Variants in RHPN2 observed in about 807,000 individuals in gnomAD.
RHPN2 encodes rhophilin-2.
RHPN2 carries 40 observed loss-of-function variants against 79.0 expected under a neutral mutation model. That is an observed-to-expected ratio of 0.51 (90% CI 0.39 to 0.66). RHPN2 has a LOEUF of 0.66. Among genes scored for constraint, RHPN2 ranks in the 30% least tolerant of loss-of-function variants. The pLI is 0.00. For synonymous variants in RHPN2, 285 were observed against 363.5 expected (o/e 0.78, Z 2.46); for missense variants, 686 against 883.5 (o/e 0.78, Z 2.83).
rs1055570662 is a variant in RHPN2, at chr19:33,011,592, C to T, written c.593+87G>A. Reference sequence around the variant, plus strand: ...AAGGGGGCTGAGGTGCACAGGGGCACCCGCAGAGGGGCGTCTGTGATGCTG... The same window carrying T: ...AAGGGGGCTGAGGTGCACAGGGGCATCCGCAGAGGGGCGTCTGTGATGCTG... On this transcript the variant is annotated intron_variant, in intron 6 of 14. Transcript: ENST00000254260. 3.2e-6 allele frequency: 5 copies of T among 1,564,738 alleles called. No homozygotes were observed. In the African/African-American group the frequency reaches 6.8e-5, roughly 21 times the overall value.
Position 33,012,798 on chromosome 19 carries a change from A to G in RHPN2, c.391-74T>C, listed in dbSNP as rs1971845897. The G allele has an allele frequency of 6.2e-5, 51 of 816,126 alleles. 2 individuals are homozygous for G. The South Asian group carries it at 7.2e-4, about 11-fold the overall frequency. 50.6% of individuals were successfully genotyped at this position (816,126 alleles called of 1,614,324 possible). A position where few individuals can be genotyped will look rare whatever the true frequency, so the allele number is the denominator to read the frequency against. On this transcript the variant is annotated intron_variant, in intron 4 of 14. Transcript: ENST00000254260. ...ATGTGTGCATAATAGTAATATGTCA[A>G]TTGTGAACCCATTTTTAAAAAGGCA...
At chr19:33,062,110 A>G (rs1758466194) in intron 1 of RHPN2, among the ~76,000 whole-genome samples, 2 of 152,164 alleles carry the variant, frequency 1.3e-5, no homozygotes, top group African/African-American at 4.8e-5. Context: ...ACAAGGTCTC[A>G]TTTTCAAAAT....
intron 4 of RHPN2, among the ~76,000 whole-genome samples, chr19:33,018,645 G>A (rs1444246080): frequency 6.6e-6 from 1 of 152,016 alleles, no homozygotes; most frequent in Non-Finnish European, 1.5e-5. Flanking sequence ...AAACTCACAG[G>A]ATTTAAACAA....
chr19:33,009,106 G>C (rs951617008), intron 6 of RHPN2, among the ~76,000 whole-genome samples: 2 of 152,058 alleles, frequency 1.3e-5, no homozygotes, highest in Non-Finnish European at 2.9e-5. Context: ...CAGGACTTAG[G>C]GGGAGGGAGG....
At chr19:32,993,945 G>C (rs1015441124) in intron 12 of RHPN2, 32 bp downstream of exon 12, 5 of 1,520,364 alleles carry the variant, frequency 3.3e-6, no homozygotes, top group East Asian at 4.5e-5. Context: ...TGTCCCCTTA[G>C]GTCATTTGAA....
At chr19:33,025,801 A>G (rs1971960907) in intron 3 of RHPN2, among the ~76,000 whole-genome samples, 1 of 152,212 alleles carries the variant, frequency 6.6e-6, no homozygotes, top group African/African-American at 2.4e-5. Flanking sequence ...CCACTAAAAT[A>G]TCCTTGCTTA....
Position 33,044,334 on chromosome 19 carries a change from T to A in RHPN2, c.100A>T (p.Ser34Cys), listed in dbSNP as rs1290190560. 6.2e-7 allele frequency: 1 copy of A among 1,613,922 alleles called. No individual in the cohort carries two copies. Among genetic ancestry groups the A allele is most frequent in the African/African-American group, 1.3e-5 (1 of 74,878 alleles). Reference sequence around the variant, plus strand: ...GCAGCTCTTTGATTCTGCAATTTACTCCGGCCGGTTTGTGCAAGGGGATTA... The same window carrying A: ...GCAGCTCTTTGATTCTGCAATTTACACCGGCCGGTTTGTGCAAGGGGATTA... ...GCNPLAQTGR[S>C]KLQNQRAALN... is the part of the protein sequence containing the mutation. The change falls in exon 2 of 15, where the codon AGT becomes TGT. Residue 34 changes from serine (S) to cysteine (C), a missense_variant. Coordinates refer to ENST00000254260, the MANE Select transcript of RHPN2 (RefSeq NM_033103.5).
At chr19:33,023,784 CAAA>C (rs61273503) in intron 3 of RHPN2, among the ~76,000 whole-genome samples, 4 of 110,568 alleles carry the variant, frequency 3.6e-5, no homozygotes, top group Non-Finnish European at 6.1e-5. Flanking sequence ...GACTCCATCT[CAAA>C]AAAAAAAAAA....
intron 1 of RHPN2, among the ~76,000 whole-genome samples, chr19:33,046,775 G>C (rs10421069): frequency 0.12 from 18,687 of 152,118 alleles, 3,696 homozygotes; most frequent in African/African-American, 0.42. Context: ...CTCCCTGACA[G>C]TTAATGATGT....
At chr19:33,006,422 T>C (rs1218372753) in intron 7 of RHPN2, among the ~76,000 whole-genome samples, 1 of 152,074 alleles carries the variant, frequency 6.6e-6, no homozygotes, top group Admixed American at 6.6e-5. Flanking sequence ...GTAGGACCAA[T>C]CATTATAACA....
chr19:33,003,036 T>C (rs543498755), intron 7 of RHPN2, 36 bp from the exon 8 acceptor site: 1 of 1,595,154 alleles, frequency 6.3e-7, no homozygotes, highest in South Asian at 1.1e-5. Context: ...TTAGTTCGGG[T>C]TCATATTTAC....
At chr19:33,011,544 C>G (rs2038191703) in intron 6 of RHPN2, 135 bp downstream of exon 6, 1 of 1,071,062 alleles carries the variant, frequency 9.3e-7, no homozygotes, top group African/African-American at 1.6e-5. Context: ...TTTGAGACTT[C>G]CCCAGATAAA....
In RHPN2 at chr19:32,998,175, A is replaced by C. The variant is rs561525542; in HGVS notation, c.1225+1411T>G. 5.3e-5 allele frequency among the ~76,000 whole-genome samples: 8 copies of C among 152,252 alleles called. No homozygotes were observed. In the South Asian group the frequency reaches 6.2e-4, roughly 12 times the overall value. On this transcript the variant is annotated intron_variant, in intron 10 of 14. Transcript: ENST00000254260. ...CAGTTTCCTCAGCTGTAAAATGGGG[A>C]TGCCACGAGACGCACCTCATAGTGT...
At chr19:33,018,963 G>A (rs750989727) in intron 4 of RHPN2, among the ~76,000 whole-genome samples, 6 of 151,234 alleles carry the variant, frequency 4.0e-5, no homozygotes, top group Non-Finnish European at 5.9e-5. Context: ...CCTGGGAGGC[G>A]GAGGTTGCAG....
At chr19:32,992,522 A>C (rs1215079405) in intron 12 of RHPN2, among the ~76,000 whole-genome samples, 1 of 152,164 alleles carries the variant, frequency 6.6e-6, no homozygotes, top group Non-Finnish European at 1.5e-5. Context: ...TCTAATATAA[A>C]AAATGTAAGA....
intron 7 of RHPN2, among the ~76,000 whole-genome samples, chr19:33,006,787 T>A (rs1277747339): frequency 6.6e-6 from 1 of 152,222 alleles, no homozygotes; most frequent in Non-Finnish European, 1.5e-5. Context: ...GCTGCTTTTC[T>A]CCTCAACACC....
At chr19:32,981,587 T>A (rs528220416) in intron 14 of RHPN2, among the ~76,000 whole-genome samples, 1 of 151,934 alleles carries the variant, frequency 6.6e-6, no homozygotes, top group Non-Finnish European at 1.5e-5. Flanking sequence ...ATGTTATACT[T>A]CTAGAGATGA....
At chr19:33,002,752 G>A in intron 8 of RHPN2, 61 bp downstream of exon 8, 1 of 1,584,688 alleles carries the variant, frequency 6.3e-7, no homozygotes, top group Non-Finnish European at 8.7e-7. Flanking sequence ...GCTACTTCCA[G>A]TGCTCCTGTG....
At chr19:33,053,624 AT>A (rs1226061325) in intron 1 of RHPN2, among the ~76,000 whole-genome samples, 1 of 151,796 alleles carries the variant, frequency 6.6e-6, no homozygotes, top group African/African-American at 2.4e-5. Context: ...GGGTTTCACC[AT>A]GTTGGTCAGG....
Sources: allele counts gnomAD v4.1 joint callset (sites outside exome capture counted in the v4.1 genomes callset), GRCh38; gene constraint gnomAD v4.1.1; transcripts MANE v1.5; gene names NCBI Gene and HGNC (gene_info 2026-07-23, HGNC 2026-07-21).